DLC1: variants seen among roughly 807,000 people sequenced by gnomAD.
DLC1 encodes DLC1 Rho GTPase activating protein.
A neutral mutation model predicts 140.3 loss-of-function variants in DLC1; 54 were observed. The observed-to-expected ratio is 0.38, with a 90% confidence interval of 0.31 to 0.48. The LOEUF is 0.48. Among genes scored for constraint, DLC1 ranks in the 20% least tolerant of loss-of-function variants. The probability of loss-of-function intolerance (pLI) is 0.96; values close to 1 mark genes in which losing one functional copy is unlikely to be tolerated. For missense variants in DLC1, 2,536 were observed against 1,907.0 expected (o/e 1.33, Z -6.14); for synonymous variants, 986 against 728.1 (o/e 1.35, Z -5.70).
chr8:13,337,667 T>A (rs1833862661), intron 4 of DLC1, among the ~76,000 whole-genome samples: 1 of 152,168 alleles, frequency 6.6e-6, no homozygotes, highest in Non-Finnish European at 1.5e-5. Flanking sequence ...TCCAAGATAA[T>A]GTATATGTAA....
chr8:13,413,778 C>T (rs575001149), intron 2 of DLC1, among the ~76,000 whole-genome samples: 194 of 152,274 alleles, frequency 1.3e-3, no homozygotes, highest in African/African-American at 4.3e-3. Context: ...AGCCTTCCAC[C>T]ATGATCATAA....
chr8:13,303,694 C>G (rs1188292), intron 5 of DLC1, among the ~76,000 whole-genome samples: 117,277 of 151,942 alleles, frequency 0.77, 46,016 homozygotes, highest in East Asian at 0.9. Flanking sequence ...CCCAGCTACT[C>G]AGGAGGCTGA....
chr8:13,362,346 C>T (rs1179301995), intron 4 of DLC1, among the ~76,000 whole-genome samples: 3 of 152,312 alleles, frequency 2.0e-5, no homozygotes, highest in African/African-American at 7.2e-5. Context: ...ATTTCTTTGA[C>T]ATCTGCCAAT....
intron 5 of DLC1, among the ~76,000 whole-genome samples, chr8:13,261,453 G>C (rs1279559961): frequency 6.6e-6 from 1 of 152,076 alleles, no homozygotes; most frequent in Admixed American, 6.6e-5. Context: ...GTGAGGGAAA[G>C]ATATTGGAGG....
chr8:13,497,854 A>C (rs1374640045), intron 2 of DLC1, among the ~76,000 whole-genome samples: 2 of 152,216 alleles, frequency 1.3e-5, no homozygotes, highest in Non-Finnish European at 2.9e-5. Flanking sequence ...AGAAGCACAA[A>C]ATGCTCTGTT....
intron 1 of DLC1, among the ~76,000 whole-genome samples, chr8:13,603,401 T>A (rs532292458): frequency 2.6e-5 from 4 of 151,084 alleles, no homozygotes; most frequent in South Asian, 2.1e-4. Context: ...TTTACTTTAA[T>A]TTTTTTTTAG....
chr8:13,341,681 C>G (rs1039593817), intron 4 of DLC1: 1 of 152,142 alleles, frequency 6.6e-6, no homozygotes, highest in African/African-American at 2.4e-5. Context: ...GGTTGTGACT[C>G]TGGTAGGCAA....
intron 2 of DLC1, among the ~76,000 whole-genome samples, chr8:13,437,621 A>G (rs564984671): frequency 3.4e-4 from 52 of 152,254 alleles, no homozygotes; most frequent in African/African-American, 1.2e-3. Context: ...ATGCTTACAT[A>G]TGGAGAATAA....
intron 2 of DLC1, among the ~76,000 whole-genome samples, chr8:13,424,649 T>G (rs1367286510): frequency 1.3e-5 from 2 of 152,074 alleles, no homozygotes; most frequent in Non-Finnish European, 2.9e-5. Flanking sequence ...CTTGGCTCAC[T>G]GCAAGCTTCA....
At chr8:13,244,418 C>G (rs1039700101) in intron 5 of DLC1, among the ~76,000 whole-genome samples, 1 of 152,016 alleles carries the variant, frequency 6.6e-6, no homozygotes, top group African/African-American at 2.4e-5. Context: ...TCTTCTCAGC[C>G]TCCAGAGTGG....
chr8:13,285,913 G>T (rs918071170), intron 5 of DLC1, among the ~76,000 whole-genome samples: 49 of 152,162 alleles, frequency 3.2e-4, no homozygotes, highest in African/African-American at 1.1e-3. Context: ...GGCTGGGAAT[G>T]GGGTGAATGT....
intron 5 of DLC1, among the ~76,000 whole-genome samples, chr8:13,223,572 G>A (rs758672500): frequency 1.9e-4 from 29 of 152,052 alleles, no homozygotes; most frequent in Non-Finnish European, 3.7e-4. Flanking sequence ...TTAACTTAAT[G>A]TTCCAAAACA....
Position 13,499,863 on chromosome 8 carries a change from A to C in DLC1, c.209T>G (p.Leu70Arg). 1 of 1,614,098 alleles carries C rather than the reference A, an allele frequency of 6.2e-7. No individual in the cohort carries two copies. The highest frequency in any genetic ancestry group is 1.1e-5 in the South Asian group (1 of 91,088). ...SLPDCCHGSELRDFPGRPMGH... is the reference protein window; with the variant it reads ...SLPDCCHGSERRDFPGRPMGH... Reference sequence around the variant, plus strand: ...CATTGGCCTCCCAGGAAAATCTCTCAGCTCTGATCCATGACAGCAGTCAGG... The same window carrying C: ...CATTGGCCTCCCAGGAAAATCTCTCCGCTCTGATCCATGACAGCAGTCAGG... Residue 70 changes from leucine to arginine, a missense_variant, in exon 2 of 18, where the codon CTG (leucine) becomes CGG (arginine). Physicochemically the swap from Leu to Arg is moderately radical, Grantham distance 102. Coordinates refer to ENST00000276297, the MANE Select transcript of DLC1 (RefSeq NM_182643.3).
At chr8:13,582,848 A>G (rs1294595750) in intron 1 of DLC1, among the ~76,000 whole-genome samples, 6 of 141,744 alleles carry the variant, frequency 4.2e-5, no homozygotes, top group Non-Finnish European at 9.2e-5. Flanking sequence ...CCCAGTGCAT[A>G]TAAAAGTTAT....
intron 1 of DLC1, among the ~76,000 whole-genome samples, chr8:13,525,698 A>G (rs187000086): frequency 1.1e-4 from 16 of 152,154 alleles, no homozygotes; most frequent in African/African-American, 3.4e-4. Flanking sequence ...CTTATGGGAG[A>G]CCATATATTC....
intron 5 of DLC1, chr8:13,133,290 G>A (rs1822280513): frequency 6.3e-6 from 8 of 1,277,836 alleles, no homozygotes; most frequent in African/African-American, 1.6e-5. Flanking sequence ...GGAGCGAACT[G>A]TCTCCCGCGC....
At chr8:13,163,067 G>A (rs941493182) in intron 5 of DLC1, among the ~76,000 whole-genome samples, 8 of 152,130 alleles carry the variant, frequency 5.3e-5, no homozygotes, top group African/African-American at 1.9e-4. Flanking sequence ...TGTACAGGCA[G>A]GCATACAACC....
chr8:13,251,899 A>T lies in DLC1; in HGVS notation c.1348+53370T>A, dbSNP rs74877015. 5.2e-3 allele frequency among the ~76,000 whole-genome samples: 790 copies of T among 152,360 alleles called. 10 individuals are homozygous for T. The highest frequency in any genetic ancestry group is 0.018 in the African/African-American group (763 of 41,600). ...GTCCAAAGTATTGAAACATGAATGA[A>T]TTAGATGAAAAATAATTTCTTAATA... On this transcript the variant is annotated intron_variant, in intron 5 of 17. Transcript: ENST00000276297.
chr8:13,193,916 C>T (rs1220268909), intron 5 of DLC1, among the ~76,000 whole-genome samples: 1 of 152,050 alleles, frequency 6.6e-6, no homozygotes, highest in African/African-American at 2.4e-5. Flanking sequence ...TATCTGACGC[C>T]GCTAAAAAAT....
Sources: allele counts gnomAD v4.1 joint callset (sites outside exome capture counted in the v4.1 genomes callset), GRCh38; gene constraint gnomAD v4.1.1; transcripts MANE v1.5; gene names NCBI Gene and HGNC (gene_info 2026-07-23, HGNC 2026-07-21).